SETD9: variants seen among roughly 807,000 people sequenced by gnomAD.
SETD9 encodes SET domain containing 9.
A neutral mutation model predicts 36.4 loss-of-function variants in SETD9; 37 were observed. The ratio of observed to expected loss-of-function variants is 1.02; its 90% CI spans 0.78 to 1.34. The LOEUF (loss-of-function observed/expected upper bound fraction) is 1.34. Among genes scored for constraint, SETD9 ranks in the 40% most tolerant of loss-of-function variants. The pLI is 0.00. For missense variants in SETD9, 323 were observed against 353.2 expected, an observed-to-expected ratio of 0.91 and a Z score of 0.69; for synonymous variants, 128 against 132.9, an observed-to-expected ratio of 0.96 and a Z score of 0.26.
chr5:56,911,195 CCAAAGA>C lies in SETD9; in HGVS notation c.131_136del (p.Asp44_Lys45del), dbSNP rs763422593. The C allele has an allele frequency of 1.3e-6, 2 of 1,567,830 alleles. No homozygotes were observed. The highest frequency in any genetic ancestry group is 1.4e-5 in the African/African-American group (1 of 73,096). On this transcript the variant is annotated inframe_deletion, in exon 2 of 6. Coordinates refer to ENST00000285947, the MANE Select transcript of SETD9 (RefSeq NM_153706.4). ...ACCCTCCGATATGTTCCAGAGGAAT[CCAAAGA>C]CAAAGTTATCTCAGATGAAGATGTC...
intron 5 of SETD9, 92 bp downstream of exon 5, chr5:56,915,058 T>A: frequency 2.9e-6 from 2 of 683,636 alleles, no homozygotes; most frequent in Non-Finnish European, 2.1e-6. Flanking sequence ...TGGGGTAAAA[T>A]TTTTTTTTTA....
chr5:56,910,606 A>G (rs1196949253), intron 1 of SETD9: 1 of 315,534 alleles, frequency 3.2e-6, no homozygotes, highest in African/African-American at 2.2e-5. Context: ...TTCAAGTAAA[A>G]ATAATGCAGT....
chr5:56,910,565 G>C (rs1218714003), intron 1 of SETD9: 3 of 379,688 alleles, frequency 7.9e-6, no homozygotes, highest in Non-Finnish European at 1.4e-5. Flanking sequence ...TCATGACTCG[G>C]AACCGTGAGG....
At position 56,916,932 on chromosome 5, in the gene SETD9, T is replaced by C. The variant is rs900779442; in HGVS notation, c.*30T>C. The C allele has an allele frequency of 1.9e-6, 3 of 1,575,010 alleles. No individual in the cohort carries two copies. The highest frequency in any genetic ancestry group is 2.7e-5 in the African/African-American group (2 of 73,174). On this transcript the variant is annotated 3_prime_UTR_variant, in exon 6 of 6. Transcript: ENST00000285947. ...GTGAATCAGAAATTATTAGGTTTTC[T>C]ACTCAGCTATTAATTCTAAGTGTTT...
Position 56,913,178 on chromosome 5 carries a change from C to T in SETD9, c.590+44C>T, listed in dbSNP as rs201290843. 8.7e-5 allele frequency: 139 copies of T among 1,594,450 alleles called. 1 individual carries two copies. In the Middle Eastern group the frequency reaches 2.4e-3, roughly 27 times the overall value. On this transcript the variant is annotated intron_variant, in intron 3 of 5. Transcript: ENST00000285947. ...CAAATTTAATTATAGGAGACAGAAC[C>T]GCACTTACCACAATGATTATGACTA...
chr5:56,925,300 G>T (rs1203896618), intron 5 of SETD9: 2 of 453,208 alleles, frequency 4.4e-6, no homozygotes, highest in South Asian at 3.1e-5. Context: ...ATACAGATTG[G>T]GAAGGAAGAA....
chr5:56,914,932 C>T lies in SETD9; in HGVS notation c.778C>T (p.Leu260Phe), dbSNP rs1223462618. 3 of 1,596,722 alleles carry T rather than the reference C, an allele frequency of 1.9e-6. No individual in the cohort carries two copies. The highest frequency in any genetic ancestry group is 2.6e-6 in the Non-Finnish European group (3 of 1,168,302). Residue 260 changes from leucine (L) to phenylalanine (F), a missense_variant, in exon 5 of 6, where the codon CTT (leucine) becomes TTT (phenylalanine). Coordinates refer to ENST00000285947, the MANE Select transcript of SETD9 (RefSeq NM_153706.4). ...TTTCCCTATAGAACTGAAGCAGTAT[C>T]TTCCAAACATTGCCTACAGCTATGA... ...AVFPIELKQYLPNIAYSYDKQ... is the reference protein window; with the variant it reads ...AVFPIELKQYFPNIAYSYDKQ...
chr5:56,909,815 C>A (rs1248764977), intron 1 of SETD9, 72 bp downstream of exon 1: 4 of 1,338,460 alleles, frequency 3.0e-6, no homozygotes, highest in Non-Finnish European at 4.0e-6. Context: ...CGGCGGGACG[C>A]AAAGCGGAGA....
chr5:56,921,377 C>T (rs1380602448), downstream of SETD9: 2 of 152,334 alleles, frequency 1.3e-5, no homozygotes, highest in African/African-American at 4.8e-5. Flanking sequence ...ACACAGAGCC[C>T]AGGCTACCCA....
downstream of SETD9, chr5:56,928,832 A>C: frequency 6.2e-7 from 1 of 1,613,844 alleles, no homozygotes; most frequent in Non-Finnish European, 8.5e-7. Context: ...AAGCTTCGGC[A>C]TTCTTCTTCC....
downstream of SETD9, among the ~76,000 whole-genome samples, chr5:56,918,630 G>A (rs1749523506): frequency 6.7e-6 from 1 of 150,120 alleles, no homozygotes; most frequent in African/African-American, 2.5e-5. Context: ...CTGCTCTGAA[G>A]GCACTTCTGT....
At chr5:56,915,104 C>A in intron 5 of SETD9, 138 bp downstream of exon 5, 1 of 452,438 alleles carries the variant, frequency 2.2e-6, no homozygotes, top group African/African-American at 2.0e-5. Flanking sequence ...ATGTTCACAC[C>A]TTAACGTGTT....
At position 56,914,850 on chromosome 5, in the gene SETD9, C is replaced by T; in HGVS notation, c.707-11C>T. ...TGGCTCTTTTTCTAAAAATGATGTG[C>T]TTGTTCCTAGACAGAGCAGCTAATG... On this transcript the variant is annotated splice_polypyrimidine_tract_variant and intron_variant, in intron 4 of 5. Coordinates refer to ENST00000285947, the MANE Select transcript of SETD9 (RefSeq NM_153706.4). The T allele has an allele frequency of 6.5e-7, 1 of 1,543,204 alleles. No individual in the cohort carries two copies.
chr5:56,909,751 G>A lies in SETD9; in HGVS notation c.98+8G>A, dbSNP rs1356677601. ...CCTAAGCCACAACCCGAGGTGAGAG[G>A]GCGGGACGGCAGAACGAGGGGCACC... On this transcript the variant is annotated splice_region_variant and intron_variant, in intron 1 of 5. Coordinates refer to ENST00000285947, the MANE Select transcript of SETD9 (RefSeq NM_153706.4). 4 of 1,608,108 alleles carry A rather than the reference G, an allele frequency of 2.5e-6. No individual in the cohort carries two copies. The highest frequency in any genetic ancestry group is 2.5e-6 in the Non-Finnish European group (3 of 1,177,294).
chr5:56,915,020 A>T, intron 5 of SETD9, 54 bp downstream of exon 5: 21 of 1,303,544 alleles, frequency 1.6e-5, no homozygotes, highest in Non-Finnish European at 2.2e-5. Context: ...TACTTAAAAA[A>T]ATATAGAAGA....
intron 5 of SETD9, 25 bp from the exon 6 acceptor site, chr5:56,916,790 C>A (rs1423588632): frequency 1.3e-6 from 2 of 1,593,830 alleles, no homozygotes; most frequent in South Asian, 1.2e-5. Flanking sequence ...AATGCTCTAC[C>A]TTTTGTATAT....
At chr5:56,918,323 G>C (rs1387665688), downstream of SETD9, among the ~76,000 whole-genome samples, 1 of 152,036 alleles carries the variant, frequency 6.6e-6, no homozygotes, top group East Asian at 1.9e-4. Flanking sequence ...CACATAGCTT[G>C]TTCTCTCCCT....
intron 4 of SETD9, among the ~76,000 whole-genome samples, chr5:56,914,618 G>A (rs973482336): frequency 4.0e-4 from 61 of 151,910 alleles, no homozygotes; most frequent in African/African-American, 1.4e-3. Context: ...TATGCAAAAA[G>A]TAATAAAACA....
chr5:56,928,748 A>G (rs776041663), downstream of SETD9: 1 of 1,558,440 alleles, frequency 6.4e-7, no homozygotes, highest in Non-Finnish European at 8.8e-7. Context: ...ATTTATCTGT[A>G]CTAATCTGCC....
Sources: gnomAD v4.1 joint callset for allele counts (sites outside exome capture counted in the v4.1 genomes callset) on GRCh38, gnomAD v4.1.1 for gene constraint, MANE v1.5 for transcripts, NCBI Gene and HGNC (gene_info 2026-07-23, HGNC 2026-07-21) for gene names.